IMMP2L: variants seen among roughly 807,000 people sequenced by gnomAD.
IMMP2L encodes the protein inner mitochondrial membrane peptidase subunit 2, also known as mitochondrial inner membrane protease subunit 2.
A neutral mutation model predicts 19.3 loss-of-function variants in IMMP2L; 18 were observed. The ratio of observed to expected loss-of-function variants is 0.93; its 90% CI spans 0.64 to 1.38. The LOEUF is 1.38. IMMP2L is among the 40% of genes most tolerant of loss of function. The probability of loss-of-function intolerance (pLI) is 0.00; values close to 1 mark genes in which losing one functional copy is unlikely to be tolerated. For synonymous variants in IMMP2L, 76 were observed against 73.0 expected, an observed-to-expected ratio of 1.04 and a Z score of -0.21; for missense variants, 233 against 218.2, an observed-to-expected ratio of 1.07 and a Z score of -0.43.
rs146969691 is a variant in IMMP2L, at chr7:110,994,762, G to A, written c.240-31197C>T. Among the ~76,000 whole-genome samples the A allele has an allele frequency of 1.8e-4, 28 of 152,242 alleles. No homozygotes were observed. In the East Asian group the frequency reaches 5.0e-3, roughly 27 times the overall value. On this transcript the variant is annotated intron_variant, in intron 3 of 5. Coordinates refer to ENST00000405709, the MANE Select transcript of IMMP2L (RefSeq NM_032549.4). ...CCAATGCAACCATCTAAATAATAGA[G>A]AGGCACAATCTCTTCAGCACCTCTC...
intron 3 of IMMP2L, among the ~76,000 whole-genome samples, chr7:111,370,750 T>C (rs529570400): frequency 3.3e-5 from 5 of 152,056 alleles, no homozygotes; most frequent in Non-Finnish European, 7.4e-5. Context: ...ACCAGTTTAG[T>C]ATATAGCCAT....
intron 3 of IMMP2L, among the ~76,000 whole-genome samples, chr7:111,082,892 T>A (rs546245740): frequency 6.6e-6 from 1 of 152,126 alleles, no homozygotes; most frequent in Non-Finnish European, 1.5e-5. Flanking sequence ...TGTTGCTCTT[T>A]TGTTTGATTG....
At chr7:111,014,262 C>T (rs1227887287) in intron 3 of IMMP2L, among the ~76,000 whole-genome samples, 1 of 151,540 alleles carries the variant, frequency 6.6e-6, no homozygotes, top group African/African-American at 2.4e-5. Flanking sequence ...GGCTGAGGCA[C>T]GAAAATTGCT....
chr7:111,305,227 G>A (rs1318391201), intron 3 of IMMP2L, among the ~76,000 whole-genome samples: 2 of 152,104 alleles, frequency 1.3e-5, no homozygotes, highest in Non-Finnish European at 2.9e-5. Flanking sequence ...TAAATTATTA[G>A]AAAAGGAATG....
At chr7:111,291,683 T>C (rs1821122014) in intron 3 of IMMP2L, among the ~76,000 whole-genome samples, 1 of 152,118 alleles carries the variant, frequency 6.6e-6, no homozygotes, top group African/African-American at 2.4e-5. Context: ...AGTGATCTGA[T>C]GCAAAATGGT....
intron 3 of IMMP2L, among the ~76,000 whole-genome samples, chr7:111,275,697 T>C (rs1584402552): frequency 1.3e-5 from 2 of 152,120 alleles, no homozygotes; most frequent in East Asian, 3.8e-4. Context: ...GTTTTTCCGT[T>C]TGTTTGTGTT....
At chr7:110,934,664 T>A (rs1281877369) in intron 4 of IMMP2L, among the ~76,000 whole-genome samples, 1 of 152,228 alleles carries the variant, frequency 6.6e-6, no homozygotes, top group Admixed American at 6.5e-5. Context: ...GAACTTGCTT[T>A]ATGAATCTGG....
intron 3 of IMMP2L, among the ~76,000 whole-genome samples, chr7:111,107,369 A>G (rs1324740426): frequency 6.6e-6 from 1 of 152,084 alleles, no homozygotes; most frequent in African/African-American, 2.4e-5. Context: ...TGTTGTAAAC[A>G]GTTTAGATTC....
chr7:110,868,040 A>G (rs902917404), intron 5 of IMMP2L, among the ~76,000 whole-genome samples: 1 of 151,922 alleles, frequency 6.6e-6, no homozygotes, highest in Non-Finnish European at 1.5e-5. Context: ...GCTCACCTTC[A>G]GAGAGACGCA....
At chr7:111,124,907 CA>C in intron 3 of IMMP2L, 1 of 1,424,726 alleles carries the variant, frequency 7.0e-7, no homozygotes, top group Non-Finnish European at 9.3e-7. Context: ...TAAAAACCAC[CA>C]AGGAAACCTA....
At chr7:110,874,173 G>T (rs1202638901) in intron 5 of IMMP2L, among the ~76,000 whole-genome samples, 1 of 152,134 alleles carries the variant, frequency 6.6e-6, no homozygotes, top group African/African-American at 2.4e-5. Context: ...ATTAGGCAAA[G>T]GATCATGGTA....
intron 1 of IMMP2L, among the ~76,000 whole-genome samples, chr7:111,526,787 C>A (rs1846907827): frequency 1.3e-5 from 2 of 152,168 alleles, no homozygotes; most frequent in Non-Finnish European, 2.9e-5. Flanking sequence ...AACATGTCTT[C>A]TCTTTGCTGT....
intron 4 of IMMP2L, among the ~76,000 whole-genome samples, chr7:110,946,575 C>T (rs1053325929): frequency 2.0e-5 from 3 of 151,984 alleles, no homozygotes; most frequent in Non-Finnish European, 4.4e-5. Context: ...GATTATATAA[C>T]TTAAAAATTA....
At chr7:111,262,013 A>AT (rs369655375) in intron 3 of IMMP2L, among the ~76,000 whole-genome samples, 3 of 152,224 alleles carry the variant, frequency 2.0e-5, no homozygotes, top group African/African-American at 7.2e-5. Context: ...GACAGTGGAA[A>AT]TTTAAGTGAG....
intron 3 of IMMP2L, among the ~76,000 whole-genome samples, chr7:111,085,887 C>G (rs547173757): frequency 2.1e-4 from 32 of 152,212 alleles, no homozygotes; most frequent in Middle Eastern, 3.4e-3. Context: ...AATGCAGGAA[C>G]AGAAAACCAA....
intron 3 of IMMP2L, among the ~76,000 whole-genome samples, chr7:110,975,152 C>T (rs1293695395): frequency 1.3e-5 from 2 of 151,886 alleles, no homozygotes; most frequent in African/African-American, 2.4e-5. Flanking sequence ...AAGTTAAAAA[C>T]AGATATATAA....
Position 111,277,362 on chromosome 7 carries a change from T to A in IMMP2L, c.239+209876A>T, listed in dbSNP as rs528398222. ...AAAAAATGCTCAAAATCACTAATCA[T>A]CAGAGAAATGCAAATTAAACCCACA... On this transcript the variant is annotated intron_variant, in intron 3 of 5. Coordinates refer to ENST00000405709, the MANE Select transcript of IMMP2L (RefSeq NM_032549.4). 2.2e-4 allele frequency among the ~76,000 whole-genome samples: 33 copies of A among 151,966 alleles called. 1 individual carries two copies. The South Asian group carries it at 6.2e-3, about 29-fold the overall frequency.
intron 3 of IMMP2L, among the ~76,000 whole-genome samples, chr7:111,261,512 T>C (rs1269118734): frequency 2.0e-5 from 3 of 152,154 alleles, no homozygotes; most frequent in Non-Finnish European, 4.4e-5. Flanking sequence ...GAAGATCTAC[T>C]ATGAACTAAA....
intron 4 of IMMP2L, among the ~76,000 whole-genome samples, chr7:110,888,529 G>A (rs1739391502): frequency 6.6e-6 from 1 of 152,146 alleles, no homozygotes; most frequent in Non-Finnish European, 1.5e-5. Context: ...CATTTCTGCA[G>A]TGACACGGTG....
Sources: gnomAD v4.1 joint callset for allele counts (sites outside exome capture counted in the v4.1 genomes callset) on GRCh38, gnomAD v4.1.1 for gene constraint, MANE v1.5 for transcripts, NCBI Gene and HGNC (gene_info 2026-07-23, HGNC 2026-07-21) for gene names.